Variants in AMER3 observed in about 807,000 individuals in gnomAD.
The protein encoded by AMER3 is APC membrane recruitment protein 3.
For synonymous variants in AMER3, 541 were observed against 485.5 expected (o/e 1.11, Z -1.50); for missense variants, 1,201 against 1,139.4 (o/e 1.05, Z -0.78).
At position 130,763,560 on chromosome 2, in the gene AMER3, G is replaced by A. The variant is rs778215262; in HGVS notation, c.1488G>A (p.Lys496=). ...SSWKGKECLL[K]LCDTELAITM... ...GGAAGGGCAAGGAGTGCCTGCTGAA[G>A]CTGTGTGACACTGAGCTCGCCATCA... is the stretch of plus-strand genomic sequence containing the variant. Residue 496 remains lysine, a synonymous_variant, in exon 2 of 2, where the codon AAG becomes AAA. Coordinates refer to ENST00000321420, the MANE Select transcript of AMER3 (RefSeq NM_152698.3). The A allele has an allele frequency of 1.9e-6, 3 of 1,612,218 alleles. No homozygotes were observed. In the Admixed American group the frequency reaches 5.0e-5, roughly 27 times the overall value.
chr2:130,763,143 C>A lies in AMER3; in HGVS notation c.1071C>A (p.Asp357Glu). Reference protein sequence around the residue: ...LAELPLCPCRDPRSGSKASSI... With the variant: ...LAELPLCPCREPRSGSKASSI... ...AGCTGCCCCTCTGCCCCTGCAGGGACCCTCGCAGCGGCTCCAAAGCCAGCT... is the reference window on the plus strand; with the variant it reads ...AGCTGCCCCTCTGCCCCTGCAGGGAACCTCGCAGCGGCTCCAAAGCCAGCT... Residue 357 changes from aspartate (D) to glutamate (E), a missense_variant, in exon 2 of 2, where the codon GAC becomes GAA. By Grantham distance (45) the Asp-to-Glu change is conservative. Transcript: ENST00000321420. The A allele has an allele frequency of 1.2e-6, 2 of 1,613,454 alleles. No individual in the cohort carries two copies. The highest frequency in any genetic ancestry group is 1.7e-6 in the Non-Finnish European group (2 of 1,180,024).
rs2104779229 is a variant in AMER3 at position 130,762,353 on chromosome 2, C to A, written c.281C>A (p.Thr94Asn). The change falls in exon 2 of 2, where the codon ACT becomes AAT. Residue 94 changes from threonine (T) to asparagine (N), a missense_variant. Coordinates refer to ENST00000321420, the MANE Select transcript of AMER3 (RefSeq NM_152698.3). ...ATFKPVRKCK[T>N]HDSMSGAGRA... ...TTCAAACCGGTGCGAAAGTGCAAGACTCACGACAGCATGTCTGGGGCAGGC... is the reference window on the plus strand; with the variant it reads ...TTCAAACCGGTGCGAAAGTGCAAGAATCACGACAGCATGTCTGGGGCAGGC... 1 of 1,612,182 alleles carries A rather than the reference C, an allele frequency of 6.2e-7. No homozygotes were observed. The highest frequency in any genetic ancestry group is 8.5e-7 in the Non-Finnish European group (1 of 1,179,706).
intron 1 of AMER3, among the ~76,000 whole-genome samples, chr2:130,760,013 G>T (rs1178864771): frequency 6.6e-6 from 1 of 152,194 alleles, no homozygotes; most frequent in Admixed American, 6.5e-5. Context: ...GCCTTATCAC[G>T]GCTGCAAAGG....
Position 130,762,548 on chromosome 2 carries a change from G to A in AMER3, c.476G>A (p.Cys159Tyr). 6.2e-7 allele frequency: 1 copy of A among 1,613,484 alleles called. No homozygotes were observed. Among genetic ancestry groups the A allele is most frequent in the East Asian group, 2.2e-5 (1 of 44,870 alleles). ...KRISLKRPKK[C>Y]FRNLFHIRRN... ...ATTTCCCTGAAGAGGCCCAAGAAGT[G>A]CTTTCGGAACCTATTCCACATTCGG... Residue 159 changes from cysteine to tyrosine, a missense_variant, in exon 2 of 2, where the codon TGC (cysteine) becomes TAC (tyrosine). Physicochemically the swap from Cys to Tyr is radical, Grantham distance 194 (BLOSUM62 -2). Transcript: ENST00000321420.
intron 1 of AMER3, among the ~76,000 whole-genome samples, chr2:130,760,472 C>T (rs1678743162): frequency 1.3e-5 from 2 of 152,198 alleles, no homozygotes; most frequent in African/African-American, 4.8e-5. Context: ...GAAAGGCACA[C>T]CGGCTGATGG....
chr2:130,756,632 C>G (rs796656692), intron 1 of AMER3, among the ~76,000 whole-genome samples: 2 of 152,208 alleles, frequency 1.3e-5, no homozygotes, highest in Non-Finnish European at 1.5e-5. Flanking sequence ...TGAGGGAGAG[C>G]CAATATCGCT....
rs1342934594 is a variant in AMER3 at position 130,763,785 on chromosome 2, C to T, written c.1713C>T (p.His571=). 2 of 1,607,414 alleles carry T rather than the reference C, an allele frequency of 1.2e-6. No homozygotes were observed. The highest frequency in any genetic ancestry group is 2.2e-5 in the East Asian group (1 of 44,760). The stretch of plus-strand genomic sequence containing the variant: ...CCAGCAGGCAGGAGCTGTGGGCACA[C>T]CCGGGCACCACAGGCCTGCTCGCCG... ...SAPSRQELWA[H]PGTTGLLAGE... The change falls in exon 2 of 2, where the codon CAC becomes CAT. Residue 571 remains histidine, a synonymous_variant. Coordinates refer to ENST00000321420, the MANE Select transcript of AMER3 (RefSeq NM_152698.3).
At chr2:130,758,246 C>T (rs1261572778) in intron 1 of AMER3, among the ~76,000 whole-genome samples, 3 of 152,058 alleles carry the variant, frequency 2.0e-5, no homozygotes, top group Non-Finnish European at 4.4e-5. Context: ...TGCCTGTAGT[C>T]CCAGCTATTC....
rs142655913 is a variant in AMER3 at position 130,757,849 on chromosome 2, T to C, written c.-20+2175T>C. 2.8e-3 allele frequency among the ~76,000 whole-genome samples: 433 copies of C among 152,264 alleles called. 2 individuals are homozygous for C. The highest frequency in any genetic ancestry group is 4.4e-3 in the Non-Finnish European group (298 of 68,024). ...ATGCTGTCTTAAAAAATGATGCACA[T>C]AGGCCGGGAGCGGTGGCTTACGCCT... is the stretch of plus-strand genomic sequence containing the variant. On this transcript the variant is annotated intron_variant, in intron 1 of 1. Coordinates refer to ENST00000321420, the MANE Select transcript of AMER3 (RefSeq NM_152698.3).
At position 130,762,795 on chromosome 2, in the gene AMER3, C is replaced by T. The variant is rs768217888; in HGVS notation, c.723C>T (p.Leu241=). ...CCCTGTGTGAGGACGTGGCCTCACT[C>T]CAGAGCTTCGACTCGCTCACGGGTT... ...CRALCEDVAS[L]QSFDSLTGCG... The change falls in exon 2 of 2, where the codon CTC becomes CTT. Residue 241 remains leucine, a synonymous_variant. Coordinates refer to ENST00000321420, the MANE Select transcript of AMER3 (RefSeq NM_152698.3). 6.2e-7 allele frequency: 1 copy of T among 1,612,344 alleles called. No homozygotes were observed. Among genetic ancestry groups the T allele is most frequent in the South Asian group, 1.1e-5 (1 of 90,988 alleles).
chr2:130,756,945 G>T (rs1271289549), intron 1 of AMER3, among the ~76,000 whole-genome samples: 1 of 152,088 alleles, frequency 6.6e-6, no homozygotes, highest in Non-Finnish European at 1.5e-5. Context: ...GTTTCCAGAG[G>T]TCCCTGGGCC....
In AMER3 at chr2:130,764,148, G is replaced by T. The variant is rs750538494; in HGVS notation, c.2076G>T (p.Pro692=). The T allele has an allele frequency of 6.2e-7, 1 of 1,610,166 alleles. No individual in the cohort carries two copies. The part of the protein sequence containing the change: ...ALKISSNEQP[P]AAWPPRQDMG... The stretch of plus-strand genomic sequence containing the variant: ...AGATCAGCTCAAACGAACAGCCCCC[G>T]GCCGCATGGCCTCCAAGGCAAGACA... Residue 692 remains proline, a synonymous_variant, in exon 2 of 2, where the codon CCG becomes CCT. Coordinates refer to ENST00000321420, the MANE Select transcript of AMER3 (RefSeq NM_152698.3).
At position 130,763,030 on chromosome 2, in the gene AMER3, C is replaced by G. The variant is rs750932360; in HGVS notation, c.958C>G (p.Gln320Glu). The G allele has an allele frequency of 4.3e-6, 7 of 1,613,146 alleles. No individual in the cohort carries two copies. In the African/African-American group the frequency reaches 8.0e-5, roughly 18 times the overall value. Residue 320 changes from glutamine to glutamate, a missense_variant, in exon 2 of 2, where the codon CAG becomes GAG. Transcript: ENST00000321420. Reference protein sequence around the residue: ...WDSVNRSVRQQQRALLGPWLS... With the variant: ...WDSVNRSVRQEQRALLGPWLS... Reference sequence around the variant, plus strand: ...CAGTGTGAATCGCTCAGTGCGTCAGCAGCAGCGTGCCCTCCTAGGCCCGTG... The same window carrying G: ...CAGTGTGAATCGCTCAGTGCGTCAGGAGCAGCGTGCCCTCCTAGGCCCGTG...
At position 130,763,583 on chromosome 2, in the gene AMER3, T is replaced by TGG. The variant is rs1678874597; in HGVS notation, c.1511_1512insGG (p.Ile504MetfsTer181). ...AAGCTGTGTGACACTGAGCTCGCCA[T>TGG]CACCATGGGCATCGTCAGCTGGCTG... On this transcript the variant is annotated frameshift_variant, in exon 2 of 2. Transcript: ENST00000321420. LOFTEE classifies it low-confidence loss of function (END_TRUNC). The TGG allele has an allele frequency of 1.2e-6, 2 of 1,610,480 alleles. No homozygotes were observed. Among genetic ancestry groups the TGG allele is most frequent in the African/African-American group, 2.7e-5 (2 of 74,898 alleles).
intron 1 of AMER3, among the ~76,000 whole-genome samples, chr2:130,757,890 T>C (rs1678657214): frequency 6.6e-6 from 1 of 152,160 alleles, no homozygotes; most frequent in African/African-American, 2.4e-5. Flanking sequence ...CCTGGTACTT[T>C]GGGAGGCCTA....
chr2:130,763,312 C>T lies in AMER3; in HGVS notation c.1240C>T (p.Arg414Trp), dbSNP rs375663702. The change falls in exon 2 of 2, where the codon CGG becomes TGG. Residue 414 changes from arginine (R) to tryptophan (W), a missense_variant. Transcript: ENST00000321420. The stretch of plus-strand genomic sequence containing the variant: ...AGGCACTCCTGCCGCCACCTTCCCA[C>T]GGGACAGCTACAGTGGGGACGCCCT... ...SPGTPAATFP[R>W]DSYSGDALYE... is the part of the protein sequence containing the mutation. 6.2e-6 allele frequency: 10 copies of T among 1,613,682 alleles called. No individual in the cohort carries two copies. Among genetic ancestry groups the T allele is most frequent in the East Asian group, 2.2e-5 (1 of 44,872 alleles).
chr2:130,756,508 G>C (rs1027684151), intron 1 of AMER3: 3 of 152,584 alleles, frequency 2.0e-5, no homozygotes, highest in Non-Finnish European at 4.4e-5. Flanking sequence ...GCAGGAAGCA[G>C]GGTCGACACC....
In AMER3 at chr2:130,762,631, C is replaced by G; in HGVS notation, c.559C>G (p.Pro187Ala). Reference sequence around the variant, plus strand: ...GGCCGAGGGGAAAAGCCTGCCCTCCCCAGGGGACCCGTCAGACCCTGGGGG... The same window carrying G: ...GGCCGAGGGGAAAAGCCTGCCCTCCGCAGGGGACCCGTCAGACCCTGGGGG... ...LAAEGKSLPS[P>A]GDPSDPGGRR... Residue 187 changes from proline (P) to alanine (A), a missense_variant, in exon 2 of 2, where the codon CCA becomes GCA. Physicochemically the swap from Pro to Ala is conservative, Grantham distance 27 (BLOSUM62 -1). Transcript: ENST00000321420. The G allele has an allele frequency of 6.2e-7, 1 of 1,612,028 alleles. No homozygotes were observed. The highest frequency in any genetic ancestry group is 8.5e-7 in the Non-Finnish European group (1 of 1,179,906).
rs1272435225 is a variant in AMER3 at position 130,764,120 on chromosome 2, T to G, written c.2048T>G (p.Leu683Arg). The part of the protein sequence containing the change: ...LAGCVARVAA[L>R]KISSNEQPPA... ...GGCTGTGTGGCCCGTGTGGCAGCCC[T>G]GAAGATCAGCTCAAACGAACAGCCC... Residue 683 changes from leucine to arginine, a missense_variant, in exon 2 of 2, where the codon CTG (leucine) becomes CGG (arginine). Leu to Arg is a moderately radical substitution (Grantham distance 102). Coordinates refer to ENST00000321420, the MANE Select transcript of AMER3 (RefSeq NM_152698.3). The G allele has an allele frequency of 6.2e-7, 1 of 1,611,894 alleles. No individual in the cohort carries two copies. Among genetic ancestry groups the G allele is most frequent in the Admixed American group, 1.7e-5 (1 of 59,798 alleles).
Sources: allele counts gnomAD v4.1 joint callset (sites outside exome capture counted in the v4.1 genomes callset), GRCh38; gene constraint gnomAD v4.1.1; transcripts MANE v1.5; gene names NCBI Gene and HGNC (gene_info 2026-07-23, HGNC 2026-07-21).